Variants in PPP1R14C observed in about 807,000 individuals in gnomAD.
PPP1R14C encodes the protein protein phosphatase 1 regulatory subunit 14C.
Under a neutral mutation model 20.4 loss-of-function variants are expected in PPP1R14C, and 16 were observed. That is an observed-to-expected ratio of 0.78 (90% confidence interval 0.53 to 1.19). The LOEUF (loss-of-function observed/expected upper bound fraction) is 1.19, where lower values mean the gene tolerates loss of function less well. PPP1R14C is among the 50% of genes most tolerant of loss of function. The pLI is 0.00. For missense variants in PPP1R14C, 211 were observed against 220.1 expected, an observed-to-expected ratio of 0.96 and a Z score of 0.26; for synonymous variants, 91 against 91.0, an observed-to-expected ratio of 1.00 and a Z score of 0.00.
At chr6:150,170,027 C>G (rs1197859649) in intron 1 of PPP1R14C, among the ~76,000 whole-genome samples, 1 of 152,178 alleles carries the variant, frequency 6.6e-6, no homozygotes, top group East Asian at 1.9e-4. Flanking sequence ...TCAATACGAT[C>G]AGGAAGAAGT....
chr6:150,210,184 G>A (rs1180451840), intron 1 of PPP1R14C, among the ~76,000 whole-genome samples: 2 of 152,126 alleles, frequency 1.3e-5, no homozygotes, highest in Non-Finnish European at 2.9e-5. Context: ...GAGTCCCACT[G>A]CTGCTTGCAA....
At chr6:150,184,371 A>G (rs1379140737) in intron 1 of PPP1R14C, among the ~76,000 whole-genome samples, 1 of 152,308 alleles carries the variant, frequency 6.6e-6, no homozygotes, top group East Asian at 1.9e-4. Context: ...CTGGCACGAC[A>G]GTCATATGCT....
At chr6:150,204,996 C>CTTTTTTTTTT (rs10683235) in intron 1 of PPP1R14C, among the ~76,000 whole-genome samples, 1 of 143,332 alleles carries the variant, frequency 7.0e-6, no homozygotes. Flanking sequence ...AACTCAGAGT[C>CTTTTTTTTTT]TTTTTTTTTT....
intron 1 of PPP1R14C, among the ~76,000 whole-genome samples, chr6:150,168,115 CCCCCA>C (rs1777452434): frequency 7.8e-6 from 1 of 127,430 alleles, no homozygotes; most frequent in African/African-American, 3.1e-5. Flanking sequence ...TTACTTCCCT[CCCCCA>C]CTCCTTCTCC....
At chr6:150,190,864 C>G (rs1777733902) in intron 1 of PPP1R14C, among the ~76,000 whole-genome samples, 1 of 152,162 alleles carries the variant, frequency 6.6e-6, no homozygotes, top group African/African-American at 2.4e-5. Context: ...CCTACCTGCC[C>G]TCCCTTCTTC....
chr6:150,213,455 G>A (rs182613623), intron 1 of PPP1R14C, among the ~76,000 whole-genome samples: 67 of 152,204 alleles, frequency 4.4e-4, no homozygotes, highest in African/African-American at 1.4e-3. Flanking sequence ...CCTCTTCTGG[G>A]AAGCCAAGAC....
intron 1 of PPP1R14C, among the ~76,000 whole-genome samples, chr6:150,210,511 C>T (rs1053915298): frequency 2.6e-5 from 4 of 152,134 alleles, no homozygotes; most frequent in African/African-American, 7.2e-5. Flanking sequence ...TCCCGGGCTC[C>T]GCAGTGGGGC....
chr6:150,172,262 G>A (rs1020341238), intron 1 of PPP1R14C, among the ~76,000 whole-genome samples: 1 of 152,210 alleles, frequency 6.6e-6, no homozygotes, highest in Non-Finnish European at 1.5e-5. Context: ...TTGACATTCA[G>A]AACTAATGGT....
chr6:150,143,512 G>T lies in PPP1R14C; in HGVS notation c.306+14G>T. On this transcript the variant is annotated intron_variant, in intron 1 of 3. Coordinates refer to ENST00000361131, the MANE Select transcript of PPP1R14C (RefSeq NM_030949.3). This position sits in a 1 kb window ranked among gnomAD's most constrained non-coding sequence, Gnocchi z 5.6. ...TACGGCTGCGAGGTACCTGGGCGCG[G>T]GGCTGGGAGGGTCGGGGACCTCTCT... 3 of 1,512,778 alleles carry T rather than the reference G, an allele frequency of 2.0e-6. No homozygotes were observed. The highest frequency in any genetic ancestry group is 2.7e-6 in the Non-Finnish European group (3 of 1,108,920). 93.7% of individuals were successfully genotyped at this position (1,512,778 alleles called of 1,614,324 possible). A position where few individuals can be genotyped will look rare whatever the true frequency, so the allele number is the denominator to read the frequency against.
Position 150,185,129 on chromosome 6 carries a change from C to T in PPP1R14C, c.307-29615C>T, listed in dbSNP as rs141492194. 3.2e-3 allele frequency among the ~76,000 whole-genome samples: 481 copies of T among 152,332 alleles called. 4 individuals are homozygous for T. Among genetic ancestry groups the T allele is most frequent in the African/African-American group, 0.011 (468 of 41,576 alleles). On this transcript the variant is annotated intron_variant, in intron 1 of 3. Coordinates refer to ENST00000361131, the MANE Select transcript of PPP1R14C (RefSeq NM_030949.3). The surrounding 1 kb of genome is among the most constrained non-coding windows in gnomAD (Gnocchi z 4.1). ...TATTTCTGATGTAGTAGCATTCTCA[C>T]TTCCTGCTTTTCAGTTTGACTGGGT...
intron 3 of PPP1R14C, among the ~76,000 whole-genome samples, chr6:150,243,925 C>T (rs191711156): frequency 1.3e-5 from 2 of 152,234 alleles, no homozygotes; most frequent in East Asian, 1.9e-4. Flanking sequence ...CTAAAAAGTA[C>T]AGTGTTATGA....
intron 1 of PPP1R14C, among the ~76,000 whole-genome samples, chr6:150,204,107 C>T (rs906956908): frequency 2.6e-5 from 4 of 152,230 alleles, no homozygotes; most frequent in Non-Finnish European, 4.4e-5. Flanking sequence ...GCACAGGAGC[C>T]GTGAGGGTGG....
intron 1 of PPP1R14C, among the ~76,000 whole-genome samples, chr6:150,145,848 G>A (rs1244083362): frequency 6.6e-6 from 1 of 152,348 alleles, no homozygotes; most frequent in South Asian, 2.1e-4. Context: ...TATCTGCTGA[G>A]TTGGGGTAGA....
chr6:150,186,745 A>G (rs183461857), intron 1 of PPP1R14C, among the ~76,000 whole-genome samples: 57 of 152,288 alleles, frequency 3.7e-4, no homozygotes, highest in Admixed American at 1.0e-3. Context: ...TGGCTGACTC[A>G]AAGACTGAGC....
chr6:150,233,072 A>G (rs1778312530), intron 3 of PPP1R14C, among the ~76,000 whole-genome samples: 1 of 152,198 alleles, frequency 6.6e-6, no homozygotes, highest in African/African-American at 2.4e-5. Flanking sequence ...GATCTTTGGT[A>G]GCCCCAGAAA....
chr6:150,246,824 A>G (rs546138631), intron 3 of PPP1R14C, among the ~76,000 whole-genome samples: 10 of 152,356 alleles, frequency 6.6e-5, no homozygotes, highest in African/African-American at 2.4e-4. Flanking sequence ...AACCACTAAC[A>G]TTAATTTTTA....
At position 150,188,978 on chromosome 6, in the gene PPP1R14C, C is replaced by A. The variant is rs547508035; in HGVS notation, c.307-25766C>A. 5.3e-5 allele frequency among the ~76,000 whole-genome samples: 8 copies of A among 152,104 alleles called. No individual in the cohort carries two copies. In the East Asian group the frequency reaches 1.5e-3, roughly 29 times the overall value. On this transcript the variant is annotated intron_variant, in intron 1 of 3. Coordinates refer to ENST00000361131, the MANE Select transcript of PPP1R14C (RefSeq NM_030949.3). ...GGTTCAAGCAGTTCTCCTGCCTCAG[C>A]CTCCTGAGTAGCTGGGATCACAGGT...
intron 3 of PPP1R14C, among the ~76,000 whole-genome samples, chr6:150,226,884 C>T (rs1215274943): frequency 1.3e-5 from 2 of 152,152 alleles, no homozygotes; most frequent in Non-Finnish European, 2.9e-5. Flanking sequence ...ATGTCATGGA[C>T]ACACACTGGT....
chr6:150,181,173 G>A (rs1171296085), intron 1 of PPP1R14C, among the ~76,000 whole-genome samples: 3 of 152,232 alleles, frequency 2.0e-5, no homozygotes, highest in South Asian at 4.2e-4. Context: ...CATTCTATGA[G>A]GTGTTCTTGG....
Sources: gnomAD v4.1 joint callset for allele counts (sites outside exome capture counted in the v4.1 genomes callset) on GRCh38, gnomAD v4.1.1 for gene constraint, Gnocchi (gnomAD v3.1) non-coding constraint, MANE v1.5 for transcripts, NCBI Gene and HGNC (gene_info 2026-07-23, HGNC 2026-07-21) for gene names.